ABLIM1: variants seen among roughly 807,000 people sequenced by gnomAD.
ABLIM1 encodes the protein actin binding LIM protein 1.
Under a neutral mutation model 107.0 loss-of-function variants are expected in ABLIM1, and 40 were observed. The observed-to-expected ratio is 0.37, with a 90% confidence interval of 0.29 to 0.49. The LOEUF (loss-of-function observed/expected upper bound fraction) is 0.49, where lower values mean the gene tolerates loss of function less well. Ranked by LOEUF, ABLIM1 falls within the 20% of genes least tolerant of loss-of-function variation. The probability of loss-of-function intolerance (pLI) is 0.97; values close to 1 mark genes in which losing one functional copy is unlikely to be tolerated. For missense variants in ABLIM1, 857 were observed against 1,008.5 expected, an observed-to-expected ratio of 0.85 and a Z score of 2.04; for synonymous variants, 357 against 357.3, an observed-to-expected ratio of 1.00 and a Z score of 0.01.
the ABLIM1 span, among the ~76,000 whole-genome samples, chr10:114,782,060 G>T: frequency 2.0e-5 from 3 of 151,926 alleles, no homozygotes; most frequent in Non-Finnish European, 4.4e-5. Flanking sequence ...CTTAAATCAG[G>T]TTACCCATCT....
chr10:114,472,061 C>T (rs964753841), intron 10 of ABLIM1, among the ~76,000 whole-genome samples: 1 of 151,610 alleles, frequency 6.6e-6, no homozygotes, highest in Non-Finnish European at 1.5e-5. Flanking sequence ...GTCTGCAGGC[C>T]GAGTATTAAC....
chr10:114,744,375 C>T (rs563750335), intron 1 of ABLIM1, among the ~76,000 whole-genome samples: 26 of 152,182 alleles, frequency 1.7e-4, no homozygotes, highest in Non-Finnish European at 2.4e-4. Flanking sequence ...AATTTCCAAT[C>T]CACCGCAGAC....
At chr10:114,737,271 C>T (rs535344680) in intron 1 of ABLIM1, among the ~76,000 whole-genome samples, 8 of 152,312 alleles carry the variant, frequency 5.3e-5, no homozygotes, top group Non-Finnish European at 1.2e-4. Flanking sequence ...TTGCAGTGAG[C>T]ACTCCAGCCT....
At chr10:114,477,550 G>A (rs1199263922) in intron 8 of ABLIM1, among the ~76,000 whole-genome samples, 1 of 152,180 alleles carries the variant, frequency 6.6e-6, no homozygotes, top group African/African-American at 2.4e-5. Flanking sequence ...ACCTGGGGAT[G>A]GCTCTGAATG....
intron 1 of ABLIM1, chr10:114,768,011 T>TG: frequency 2.4e-6 from 1 of 424,578 alleles, no homozygotes; most frequent in East Asian, 9.6e-5. Flanking sequence ...CTCCCGCACC[T>TG]GTTCGGCCCG....
chr10:114,609,621 T>C (rs1325085707), intron 1 of ABLIM1, among the ~76,000 whole-genome samples: 1 of 152,094 alleles, frequency 6.6e-6, no homozygotes, highest in Non-Finnish European at 1.5e-5. Flanking sequence ...ATAGCCTGAG[T>C]TGTCATCTCT....
At chr10:114,583,151 T>C (rs1453265694) in intron 2 of ABLIM1, among the ~76,000 whole-genome samples, 1 of 151,296 alleles carries the variant, frequency 6.6e-6, no homozygotes, top group Non-Finnish European at 1.5e-5. Context: ...ATAAGGAATT[T>C]AATTCTACAA....
intron 2 of ABLIM1, among the ~76,000 whole-genome samples, chr10:114,601,241 C>G (rs1009158339): frequency 6.6e-6 from 1 of 151,278 alleles, no homozygotes; most frequent in Non-Finnish European, 1.5e-5. Flanking sequence ...AACCACAGAA[C>G]TGTATTTTTA....
chr10:114,490,967 C>CAT (rs1308060270), intron 7 of ABLIM1, among the ~76,000 whole-genome samples: 35 of 102,764 alleles, frequency 3.4e-4, no homozygotes, highest in South Asian at 1.4e-3. Flanking sequence ...CCACGCCCGG[C>CAT]ATATATATGT....
chr10:114,764,505 C>T (rs2142687844), intron 1 of ABLIM1, among the ~76,000 whole-genome samples: 1 of 152,094 alleles, frequency 6.6e-6, no homozygotes, highest in South Asian at 2.1e-4. Flanking sequence ...CCATGCCCGG[C>T]TAATTTTTGT....
At chr10:114,630,994 G>A (rs2078139935) in intron 1 of ABLIM1, among the ~76,000 whole-genome samples, 1 of 152,330 alleles carries the variant, frequency 6.6e-6, no homozygotes, top group East Asian at 1.9e-4. Context: ...GGTCTAGCAA[G>A]ATACACAGTA....
At position 114,484,542 on chromosome 10, in the gene ABLIM1, C is replaced by T. The variant is rs1013033266; in HGVS notation, c.1041+3416G>A. 3.3e-5 allele frequency among the ~76,000 whole-genome samples: 5 copies of T among 152,058 alleles called. No homozygotes were observed. The South Asian group carries it at 1.0e-3, about 32-fold the overall frequency. On this transcript the variant is annotated intron_variant, in intron 8 of 22. Transcript: ENST00000533213. ...GGATTACAGGCGCCCACAACCATGCCTGGCTAATTTTTATATTTTTAGTGG... is the reference window on the plus strand; with the variant it reads ...GGATTACAGGCGCCCACAACCATGCTTGGCTAATTTTTATATTTTTAGTGG...
At chr10:114,543,763 T>G (rs1447718184) in intron 6 of ABLIM1, among the ~76,000 whole-genome samples, 1 of 152,242 alleles carries the variant, frequency 6.6e-6, no homozygotes, top group African/African-American at 2.4e-5. Context: ...CAGCATCATC[T>G]GTCACATCGG....
chr10:114,623,790 C>A (rs1348267530), intron 1 of ABLIM1, among the ~76,000 whole-genome samples: 1 of 152,166 alleles, frequency 6.6e-6, no homozygotes, highest in African/African-American at 2.4e-5. Context: ...CTGTCCTAGA[C>A]AGTAATTTCC....
intron 3 of ABLIM1, 55 bp downstream of exon 3, chr10:114,575,361 C>T (rs2138955592): frequency 6.3e-7 from 1 of 1,584,876 alleles, no homozygotes; most frequent in East Asian, 2.2e-5. Flanking sequence ...ACAGCCCAAA[C>T]CAGCATTTCT....
chr10:114,637,150 C>T (rs948994323), intron 1 of ABLIM1, among the ~76,000 whole-genome samples: 6 of 151,258 alleles, frequency 4.0e-5, no homozygotes, highest in Non-Finnish European at 8.8e-5. Flanking sequence ...TGACTGATAA[C>T]TCAGATTCTC....
chr10:114,785,765 G>A, the ABLIM1 span, among the ~76,000 whole-genome samples: 6 of 152,310 alleles, frequency 3.9e-5, no homozygotes, highest in East Asian at 9.6e-4. Context: ...TTCTCGCTCT[G>A]TTGCCCAGGC....
intron 6 of ABLIM1, among the ~76,000 whole-genome samples, chr10:114,508,444 A>T (rs538328948): frequency 5.0e-4 from 76 of 152,378 alleles, no homozygotes; most frequent in African/African-American, 1.8e-3. Context: ...CATGCCTGTA[A>T]TCCCAACAAC....
In ABLIM1 at chr10:114,472,040, G is replaced by A. The variant is rs369160052; in HGVS notation, c.1275+937C>T. On this transcript the variant is annotated intron_variant, in intron 10 of 22. Coordinates refer to ENST00000533213, the MANE Select transcript of ABLIM1 (RefSeq NM_002313.7). Reference sequence around the variant, plus strand: ...CAAGGGGCTGAGAGGCTCTGGTCCCGCAGCAGATGGGTCTGCAGGCCGAGT... The same window carrying A: ...CAAGGGGCTGAGAGGCTCTGGTCCCACAGCAGATGGGTCTGCAGGCCGAGT... Among the ~76,000 whole-genome samples, 27 of 152,004 alleles carry A rather than the reference G, an allele frequency of 1.8e-4. No homozygotes were observed. In the South Asian group the frequency reaches 3.3e-3, roughly 19 times the overall value.
Sources: gnomAD v4.1 joint callset for allele counts (sites outside exome capture counted in the v4.1 genomes callset) on GRCh38, gnomAD v4.1.1 for gene constraint, MANE v1.5 for transcripts, NCBI Gene and HGNC (gene_info 2026-07-23, HGNC 2026-07-21) for gene names.